Variants in SPEN observed in about 807,000 individuals in gnomAD.
SPEN encodes msx2-interacting protein.
Under a neutral mutation model 269.9 loss-of-function variants are expected in SPEN, and 18 were observed. The ratio of observed to expected loss-of-function variants is 0.07; its 90% CI spans 0.05 to 0.10. The LOEUF (loss-of-function observed/expected upper bound fraction) is 0.10, where lower values mean the gene tolerates loss of function less well. SPEN is among the 10% of genes least tolerant of loss of function. SPEN has a pLI of 1.00. For missense variants in SPEN, 3,822 were observed against 4,631.2 expected (o/e 0.83, Z 5.07); for synonymous variants, 1,726 against 1,765.7 (o/e 0.98, Z 0.56).
chr1:15,888,694 G>A (rs1025343278), intron 3 of SPEN, among the ~76,000 whole-genome samples: 5 of 148,648 alleles, frequency 3.4e-5, no homozygotes, highest in African/African-American at 1.2e-4. Flanking sequence ...GTACAATGGC[G>A]CGATCTCGGC....
At chr1:15,869,425 C>T (rs993614933) in intron 1 of SPEN, among the ~76,000 whole-genome samples, 2 of 151,648 alleles carry the variant, frequency 1.3e-5, no homozygotes, top group African/African-American at 4.8e-5. Flanking sequence ...AATTTTGTTA[C>T]AAAAAAGGTA....
intron 1 of SPEN, among the ~76,000 whole-genome samples, chr1:15,850,244 TTACTG>T (rs1301678943): frequency 6.6e-6 from 1 of 152,118 alleles, no homozygotes; most frequent in Non-Finnish European, 1.5e-5. Flanking sequence ...TGGAGGAACA[TTACTG>T]TATTAAAAAC....
intron 13 of SPEN, 53 bp downstream of exon 13, chr1:15,938,059 G>T (rs2071295179): frequency 3.3e-5 from 49 of 1,489,772 alleles, no homozygotes; most frequent in East Asian, 4.5e-5. Flanking sequence ...GGAGGAAGAC[G>T]TAGGTAGTCC....
At chr1:15,851,801 G>GTTT (rs1469275127) in intron 1 of SPEN, among the ~76,000 whole-genome samples, 1 of 152,060 alleles carries the variant, frequency 6.6e-6, no homozygotes, top group Non-Finnish European at 1.5e-5. Context: ...TGGTGAACAT[G>GTTT]GTAAAACCCC....
At chr1:15,920,533 T>C (rs973476465) in intron 8 of SPEN, among the ~76,000 whole-genome samples, 1 of 152,196 alleles carries the variant, frequency 6.6e-6, no homozygotes, top group African/African-American at 2.4e-5. Flanking sequence ...TTTGCTGTTG[T>C]TGGTTTTGCT....
chr1:15,929,780 G>A lies in SPEN; in HGVS notation c.3540G>A (p.Gln1180=). Reference sequence around the variant, plus strand: ...AAATGGAACAGAGTCGTAGGAAACAGCAGATGGAAATGGAAATAGCCAAGT... The same window carrying A: ...AAATGGAACAGAGTCGTAGGAAACAACAGATGGAAATGGAAATAGCCAAGT... ...RKQMEQSRRK[Q]QMEMEIAKSE... is the part of the protein sequence containing the mutation. Residue 1180 remains glutamine (Q), a synonymous_variant, in exon 11 of 15, where the codon CAG becomes CAA. Transcript: ENST00000375759. The surrounding 1 kb of genome is among the most constrained non-coding windows in gnomAD (Gnocchi z 5.8). The A allele has an allele frequency of 6.2e-7, 1 of 1,614,206 alleles. No homozygotes were observed. The highest frequency in any genetic ancestry group is 1.1e-5 in the South Asian group (1 of 91,084).
intron 1 of SPEN, among the ~76,000 whole-genome samples, chr1:15,858,262 A>AAG (rs2148703896): frequency 6.6e-6 from 1 of 151,302 alleles, no homozygotes; most frequent in East Asian, 1.9e-4. Flanking sequence ...CAAAAAAAAA[A>AAG]AAAGTTCAGG....
chr1:15,876,228 A>G lies in SPEN; in HGVS notation c.431A>G (p.Tyr144Cys). ...GCTTCAGATAACAGGGAGCGTGCTT[A>G]TGAACATAGTGCCTATGGACACCAT... ...DGASDNRERAYEHSAYGHHER... is the reference protein window; with the variant it reads ...DGASDNRERACEHSAYGHHER... The change falls in exon 3 of 15, where the codon TAT (tyrosine) becomes TGT (cysteine). Residue 144 changes from tyrosine to cysteine, a missense_variant. Transcript: ENST00000375759. 6.2e-7 allele frequency: 1 copy of G among 1,613,770 alleles called. No individual in the cohort carries two copies. Among genetic ancestry groups the G allele is most frequent in the Non-Finnish European group, 8.5e-7 (1 of 1,179,700 alleles).
At position 15,930,922 on chromosome 1, in the gene SPEN, A is replaced by G. The variant is rs530793352; in HGVS notation, c.4682A>G (p.Tyr1561Cys). The G allele has an allele frequency of 1.9e-5, 30 of 1,614,146 alleles. No individual in the cohort carries two copies. The highest frequency in any genetic ancestry group is 1.6e-4 in the African/African-American group (12 of 75,048). ...EDSDFISGRI[Y>C]GKQTSEGANS... ...TCTGACTTCATTTCTGGTAGGATCT[A>G]TGGGAAGCAGACATCTGAGGGAGCA... is the stretch of plus-strand genomic sequence containing the variant. Residue 1561 changes from tyrosine to cysteine, a missense_variant, in exon 11 of 15, where the codon TAT (tyrosine) becomes TGT (cysteine). This residue lies in a region of SPEN where 533 missense variants were observed against 618.8 expected (regional missense o/e 0.86). Transcript: ENST00000375759. The surrounding 1 kb of genome is among the most constrained non-coding windows in gnomAD (Gnocchi z 5.3).
At chr1:15,918,141 GTTAT>G (rs897096704) in intron 6 of SPEN, among the ~76,000 whole-genome samples, 12 of 152,112 alleles carry the variant, frequency 7.9e-5, no homozygotes, top group East Asian at 3.8e-4. Context: ...ACAGTTATCT[GTTAT>G]TTATTTATTT....
chr1:15,917,973 T>TG (rs953840873), intron 6 of SPEN: 1 of 152,268 alleles, frequency 6.6e-6, no homozygotes, highest in African/African-American at 2.4e-5. Flanking sequence ...TCCTTGCTGA[T>TG]GGAGAAATGG....
In SPEN at chr1:15,934,517, G is replaced by T. The variant is rs200775617; in HGVS notation, c.8277G>T (p.Thr2759=). ...GTGGTGTAACGGCCACAACAGGCAC[G>T]GTGACAATGGCAGGGGCAGTGATTG... ...ASGGVTATTG[T]VTMAGAVIAP... Residue 2759 remains threonine, a synonymous_variant, in exon 11 of 15, where the codon ACG becomes ACT. Coordinates refer to ENST00000375759, the MANE Select transcript of SPEN (RefSeq NM_015001.3). This position sits in a 1 kb window ranked among gnomAD's most constrained non-coding sequence, Gnocchi z 9.2. 6.2e-7 allele frequency: 1 copy of T among 1,614,064 alleles called. No homozygotes were observed. Among genetic ancestry groups the T allele is most frequent in the Non-Finnish European group, 8.5e-7 (1 of 1,180,030 alleles).
At chr1:15,868,085 T>G (rs1280249430) in intron 1 of SPEN, among the ~76,000 whole-genome samples, 1 of 151,928 alleles carries the variant, frequency 6.6e-6, no homozygotes, top group African/African-American at 2.4e-5. Context: ...CCACCTCCCT[T>G]GGTCTCCCAA....
Position 15,931,497 on chromosome 1 carries a change from C to T in SPEN, c.5257C>T (p.Pro1753Ser). ...SQAESNVDPE[P>S]DSTQPLSKPA... is the part of the protein sequence containing the mutation. ...GGCAGAGAGCAACGTAGATCCAGAG[C>T]CTGACAGTACCCAGCCACTTTCAAA... Residue 1753 changes from proline to serine, a missense_variant, in exon 11 of 15, where the codon CCT becomes TCT. By Grantham distance (74) the Pro-to-Ser change is moderately conservative (BLOSUM62 -1). Coordinates refer to ENST00000375759, the MANE Select transcript of SPEN (RefSeq NM_015001.3). This position sits in a 1 kb window ranked among gnomAD's most constrained non-coding sequence, Gnocchi z 4.8. 1 of 1,614,158 alleles carries T rather than the reference C, an allele frequency of 6.2e-7. No individual in the cohort carries two copies. Among genetic ancestry groups the T allele is most frequent in the South Asian group, 1.1e-5 (1 of 91,076 alleles).
At chr1:15,909,233 A>T in intron 3 of SPEN, 88 bp from the exon 4 acceptor site, 8 of 1,401,934 alleles carry the variant, frequency 5.7e-6, no homozygotes, top group Non-Finnish European at 7.8e-6. Context: ...GAAAATTTAG[A>T]CCTATTAGTT....
At position 15,929,410 on chromosome 1, in the gene SPEN, T is replaced by G; in HGVS notation, c.3170T>G (p.Leu1057Arg). The G allele has an allele frequency of 6.2e-7, 1 of 1,613,810 alleles. No homozygotes were observed. The highest frequency in any genetic ancestry group is 1.1e-5 in the South Asian group (1 of 91,026). The change falls in exon 11 of 15, where the codon CTT becomes CGT. Residue 1057 changes from leucine (L) to arginine (R), a missense_variant. Leu to Arg is a moderately radical substitution (Grantham distance 102, BLOSUM62 -2). Around this residue, in one of 16 missense-constraint regions of SPEN, gnomAD observed 572 missense variants for 582.6 expected, o/e 0.98. Coordinates refer to ENST00000375759, the MANE Select transcript of SPEN (RefSeq NM_015001.3). The surrounding 1 kb of genome is among the most constrained non-coding windows in gnomAD (Gnocchi z 5.8). The stretch of plus-strand genomic sequence containing the variant: ...TCTAAAAAAATCAAACTGGACAGAC[T>G]TAATACTGTTGCCAGCCCCAAAGAC... ...RESKKIKLDR[L>R]NTVASPKDCQ...
rs2071327412 is a variant in SPEN, at chr1:15,940,100, TATATA to T, written c.*679_*683del. The stretch of plus-strand genomic sequence containing the variant: ...AACTTGGGATGTGTGTATATATAAA[TATATA>T]ATATATATAAATATATATAATACTG... On this transcript the variant is annotated 3_prime_UTR_variant, in exon 15 of 15. Transcript: ENST00000375759. The T allele has an allele frequency of 9.6e-6, 2 of 208,982 alleles. No individual in the cohort carries two copies. The highest frequency in any genetic ancestry group is 1.2e-4 in the Admixed American group (2 of 16,672). 12.9% of individuals were successfully genotyped at this position (208,982 alleles called of 1,614,324 possible).
intron 1 of SPEN, among the ~76,000 whole-genome samples, chr1:15,866,504 C>T (rs1225658217): frequency 6.6e-6 from 1 of 152,096 alleles, no homozygotes; most frequent in African/African-American, 2.4e-5. Context: ...CAGGCGCCTG[C>T]CACCACACCT....
chr1:15,854,909 G>A (rs1211947721), intron 1 of SPEN, among the ~76,000 whole-genome samples: 1 of 152,082 alleles, frequency 6.6e-6, no homozygotes, highest in African/African-American at 2.4e-5. Context: ...CTCCCTACAT[G>A]TATTCCTGTC....
Sources: gnomAD v4.1 joint callset for allele counts (sites outside exome capture counted in the v4.1 genomes callset) on GRCh38, gnomAD v4.1.1 for gene constraint, gnomAD v4.1.1 regional missense constraint, Gnocchi (gnomAD v3.1) non-coding constraint, MANE v1.5 for transcripts, NCBI Gene and HGNC (gene_info 2026-07-23, HGNC 2026-07-21) for gene names.